Variants in DNAJC13 observed in about 807,000 individuals in gnomAD.
DNAJC13 encodes the protein DnaJ heat shock protein family (Hsp40) member C13.
A neutral mutation model predicts 290.5 loss-of-function variants in DNAJC13; 75 were observed. The ratio of observed to expected loss-of-function variants is 0.26; its 90% confidence interval spans 0.21 to 0.31. DNAJC13 has a LOEUF of 0.31. DNAJC13 is among the 10% of genes least tolerant of loss of function. The pLI is 1.00. For missense variants in DNAJC13, 2,260 were observed against 2,674.5 expected, an observed-to-expected ratio of 0.85 and a Z score of 3.42; for synonymous variants, 862 against 892.0, an observed-to-expected ratio of 0.97 and a Z score of 0.60.
At chr3:132,418,206 T>C (rs1245389037) in intron 1 of DNAJC13, among the ~76,000 whole-genome samples, 3 of 152,172 alleles carry the variant, frequency 2.0e-5, no homozygotes, top group African/African-American at 4.8e-5. Context: ...TGACTTTCTT[T>C]GCTTTGTTTC....
At chr3:132,418,909 G>T (rs1270123655) in intron 1 of DNAJC13, among the ~76,000 whole-genome samples, 3 of 152,098 alleles carry the variant, frequency 2.0e-5, no homozygotes, top group Non-Finnish European at 4.4e-5. Context: ...AACAGAATTT[G>T]CCTTAAAAAA....
chr3:132,504,614 G>A (rs1360878778), intron 41 of DNAJC13, among the ~76,000 whole-genome samples: 1 of 152,166 alleles, frequency 6.6e-6, no homozygotes, highest in African/African-American at 2.4e-5. Context: ...GCATGTCTTT[G>A]TATAAGATGG....
intron 38 of DNAJC13, among the ~76,000 whole-genome samples, chr3:132,500,381 A>C (rs1202942541): frequency 6.6e-6 from 1 of 152,244 alleles, no homozygotes; most frequent in African/African-American, 2.4e-5. Context: ...TATGTTAATA[A>C]ACTATACAAA....
At chr3:132,439,355 A>G (rs1932971259) in intron 2 of DNAJC13, among the ~76,000 whole-genome samples, 1 of 152,152 alleles carries the variant, frequency 6.6e-6, no homozygotes, top group Non-Finnish European at 1.5e-5. Flanking sequence ...CTACAAGAGA[A>G]AAGATATCTT....
At chr3:132,524,363 G>A (rs1576520797) in intron 51 of DNAJC13, among the ~76,000 whole-genome samples, 3 of 152,190 alleles carry the variant, frequency 2.0e-5, no homozygotes, top group Non-Finnish European at 2.9e-5. Context: ...ACAGAATAAG[G>A]TGATTAAGAG....
chr3:132,498,098 G>T (rs963910751), intron 36 of DNAJC13, among the ~76,000 whole-genome samples: 1 of 152,116 alleles, frequency 6.6e-6, no homozygotes, highest in Non-Finnish European at 1.5e-5. Context: ...AGGCATGTAG[G>T]TTTACTAGCT....
intron 20 of DNAJC13, among the ~76,000 whole-genome samples, chr3:132,469,178 C>T (rs2107681027): frequency 6.6e-6 from 1 of 152,286 alleles, no homozygotes; most frequent in Middle Eastern, 3.4e-3. Context: ...CTATTTTTAA[C>T]AGTAATTTCT....
chr3:132,466,020 C>T lies in DNAJC13; in HGVS notation c.1918C>T (p.Leu640Phe). 2 of 1,613,960 alleles carry T rather than the reference C, an allele frequency of 1.2e-6. No individual in the cohort carries two copies. Among genetic ancestry groups the T allele is most frequent in the Non-Finnish European group, 1.7e-6 (2 of 1,179,914 alleles). Residue 640 changes from leucine to phenylalanine, a missense_variant, in exon 18 of 56, where the codon CTC becomes TTC. Around this residue, in one of 3 missense-constraint regions of DNAJC13, gnomAD observed 762 missense variants for 964.1 expected, o/e 0.79. Transcript: ENST00000260818. ...NRQLSRHLVG[L>F]WTADNATATN... is the part of the protein sequence containing the mutation. The stretch of plus-strand genomic sequence containing the variant: ...ACAGCTAAGTAGACATTTAGTGGGA[C>T]TCTGGACAGCTGATAATGCAACTGC...
chr3:132,446,209 C>T (rs1290752945), intron 2 of DNAJC13, among the ~76,000 whole-genome samples: 4 of 151,726 alleles, frequency 2.6e-5, no homozygotes, highest in Non-Finnish European at 5.9e-5. Flanking sequence ...TTTATACTAA[C>T]ATCACACAAG....
Position 132,447,608 on chromosome 3 carries a change from G to C in DNAJC13, c.294+138G>C, listed in dbSNP as rs1227001402. 3.3e-6 allele frequency: 3 copies of C among 922,148 alleles called. 1 individual carries two copies. The highest frequency in any genetic ancestry group is 3.0e-5 in the East Asian group (1 of 32,840). 57.1% of individuals were successfully genotyped at this position (922,148 alleles called of 1,614,324 possible). A position where few individuals can be genotyped will look rare whatever the true frequency, so the allele number is the denominator to read the frequency against. On this transcript the variant is annotated intron_variant, in intron 4 of 55. Coordinates refer to ENST00000260818, the MANE Select transcript of DNAJC13 (RefSeq NM_015268.4). ...TTTTTTTCTTACTGACCTTTAACTT[G>C]ACCCTGTGAAACGTTCACTTTTCTC...
chr3:132,537,294 C>T, intron 55 of DNAJC13: 1 of 452,222 alleles, frequency 2.2e-6, no homozygotes, highest in Non-Finnish European at 4.5e-6. Context: ...TAAATGCATG[C>T]CGCTCCCACT....
chr3:132,467,081 A>G lies in DNAJC13; in HGVS notation c.2065-89A>G, dbSNP rs541782165. 274 of 1,415,508 alleles carry G rather than the reference A, an allele frequency of 1.9e-4. 1 individual carries two copies. In the South Asian group the frequency reaches 3.1e-3, roughly 16 times the overall value. The allele number at this position is 1,415,508 out of a possible 1,614,324, so 87.7% of individuals were successfully genotyped here. ...AACCATAACATCCAGCATTAACCTT[A>G]TAAAATAGATAGAATGACTCAGCTT... On this transcript the variant is annotated intron_variant, in intron 19 of 55. Transcript: ENST00000260818.
intron 35 of DNAJC13, among the ~76,000 whole-genome samples, chr3:132,495,999 T>TAG (rs769312301): frequency 5.3e-5 from 8 of 152,126 alleles, no homozygotes; most frequent in Non-Finnish European, 1.2e-4. Flanking sequence ...AATCTACATA[T>TAG]AGATAACTGA....
rs561265472 is a variant in DNAJC13 at position 132,476,674 on chromosome 3, ACT to A, written c.2446-1112_2446-1111del. ...CATATCCTACTCCTCCCTCTCTCAC[ACT>A]CTGTTCCAGCCAAATAGGCTTCTTA... is the stretch of plus-strand genomic sequence containing the variant. On this transcript the variant is annotated intron_variant, in intron 22 of 55. Transcript: ENST00000260818. Among the ~76,000 whole-genome samples, 395 of 151,954 alleles carry A rather than the reference ACT, an allele frequency of 2.6e-3. 2 individuals are homozygous for A. The highest frequency in any genetic ancestry group is 9.2e-3 in the African/African-American group (383 of 41,446).
chr3:132,488,157 G>A, intron 29 of DNAJC13, 141 bp from the exon 30 acceptor site: 1 of 595,956 alleles, frequency 1.7e-6, no homozygotes. Flanking sequence ...TGTGGGTCTG[G>A]TAGATGAGCT....
At chr3:132,428,263 A>G (rs1287577275) in intron 1 of DNAJC13, among the ~76,000 whole-genome samples, 1 of 152,228 alleles carries the variant, frequency 6.6e-6, no homozygotes, top group Admixed American at 6.5e-5. Flanking sequence ...GTGCGTGTCT[A>G]AAAGTATCTT....
chr3:132,534,927 TA>T (rs1231009671), intron 55 of DNAJC13, among the ~76,000 whole-genome samples: 3 of 152,244 alleles, frequency 2.0e-5, no homozygotes, highest in Non-Finnish European at 2.9e-5. Flanking sequence ...CTAATAATGA[TA>T]AAATCCCATG....
At chr3:132,523,500 T>C (rs1187830913) in intron 50 of DNAJC13, 40 bp from the exon 51 acceptor site, 13 of 1,591,930 alleles carry the variant, frequency 8.2e-6, no homozygotes, top group Non-Finnish European at 1.0e-5. Flanking sequence ...AGCTTCAAGA[T>C]TATTAAGTGA....
At chr3:132,469,583 CG>C (rs1934114421) in intron 20 of DNAJC13, among the ~76,000 whole-genome samples, 1 of 151,982 alleles carries the variant, frequency 6.6e-6, no homozygotes, top group Non-Finnish European at 1.5e-5. Flanking sequence ...TTTGTCCTGG[CG>C]GGGAGGAGGG....
Sources: gnomAD v4.1 joint callset for allele counts (sites outside exome capture counted in the v4.1 genomes callset) on GRCh38, gnomAD v4.1.1 for gene constraint, gnomAD v4.1.1 regional missense constraint, MANE v1.5 for transcripts, NCBI Gene and HGNC (gene_info 2026-07-23, HGNC 2026-07-21) for gene names.